The following UQCC1 variants were observed in gnomAD, a reference collection of about 807,000 sequenced individuals.
UQCC1 encodes the protein ubiquinol-cytochrome c reductase complex assembly factor 1.
In UQCC1, 38 loss-of-function variants were observed where a neutral mutation model predicts 48.0. The observed-to-expected ratio is 0.79, with a 90% CI of 0.61 to 1.04. UQCC1 has a LOEUF of 1.04. Among genes scored for constraint, UQCC1 ranks in the 50% least tolerant of loss-of-function variants. UQCC1 has a pLI of 0.00. For missense variants in UQCC1, 368 were observed against 381.8 expected (o/e 0.96, Z 0.30); for synonymous variants, 111 against 129.2 (o/e 0.86, Z 0.95).
intron 7 of UQCC1, among the ~76,000 whole-genome samples, chr20:35,323,868 C>A (rs2061160311): frequency 6.6e-6 from 1 of 152,230 alleles, no homozygotes; most frequent in Non-Finnish European, 1.5e-5. Context: ...ATGCTGTCCT[C>A]TCATCACAGA....
intron 7 of UQCC1, 197 bp downstream of exon 7, chr20:35,346,967 T>C (rs896551476): frequency 6.6e-7 from 1 of 1,514,054 alleles, no homozygotes; most frequent in Non-Finnish European, 8.8e-7. Flanking sequence ...CACTATAATG[T>C]GTACAAACAC....
intron 7 of UQCC1, among the ~76,000 whole-genome samples, chr20:35,326,463 T>C (rs1318053320): frequency 6.6e-6 from 1 of 152,236 alleles, no homozygotes; most frequent in Non-Finnish European, 1.5e-5. Flanking sequence ...TGGAAAATCT[T>C]ACTTGGATAA....
chr20:35,373,088 T>G (rs985038107), intron 5 of UQCC1, among the ~76,000 whole-genome samples: 1 of 152,196 alleles, frequency 6.6e-6, no homozygotes, highest in African/African-American at 2.4e-5. Flanking sequence ...CTGGAAATGA[T>G]TTAATCTCTC....
chr20:35,318,079 C>T (rs1350026545), intron 7 of UQCC1, among the ~76,000 whole-genome samples: 3 of 152,188 alleles, frequency 2.0e-5, no homozygotes, highest in South Asian at 2.1e-4. Flanking sequence ...TAGGAATAAT[C>T]ACAGCCACAA....
intron 7 of UQCC1, among the ~76,000 whole-genome samples, chr20:35,339,544 GAGA>G (rs1353139839): frequency 1.3e-5 from 2 of 152,214 alleles, no homozygotes; most frequent in African/African-American, 4.8e-5. Flanking sequence ...AGTCTGGCAT[GAGA>G]AGAATATGTA....
chr20:35,338,914 G>GT (rs2061348233), intron 7 of UQCC1, among the ~76,000 whole-genome samples: 1 of 34,178 alleles, frequency 2.9e-5, no homozygotes, highest in African/African-American at 3.4e-4. Flanking sequence ...TATATGGAGA[G>GT]ATTTTTCAAA....
At chr20:35,318,101 C>G (rs1406949) in intron 7 of UQCC1, among the ~76,000 whole-genome samples, 4 of 151,954 alleles carry the variant, frequency 2.6e-5, no homozygotes, top group African/African-American at 9.7e-5. Flanking sequence ...CGGATGATAT[C>G]AGAGGTGTCA....
intron 7 of UQCC1, among the ~76,000 whole-genome samples, chr20:35,332,159 G>C (rs564343158): frequency 3.3e-5 from 5 of 152,210 alleles, no homozygotes; most frequent in African/African-American, 9.7e-5. Context: ...CTTTAGAGGC[G>C]AACAGCAGAA....
At chr20:35,334,457 C>T (rs1386404197) in intron 7 of UQCC1, among the ~76,000 whole-genome samples, 3 of 152,170 alleles carry the variant, frequency 2.0e-5, no homozygotes, top group Admixed American at 6.6e-5. Context: ...GTGCCTTTAT[C>T]CACACTGTTC....
rs2060896429 is a variant in UQCC1, at chr20:35,303,809, G to C, written c.*126C>G. The C allele has an allele frequency of 3.0e-6, 4 of 1,311,952 alleles. No individual in the cohort carries two copies. Among genetic ancestry groups the C allele is most frequent in the Admixed American group, 1.9e-5 (1 of 53,574 alleles). The allele number at this position is 1,311,952 out of a possible 1,614,324, so 81.3% of individuals were successfully genotyped here. On this transcript the variant is annotated 3_prime_UTR_variant, in exon 10 of 10. Coordinates refer to ENST00000374385, the MANE Select transcript of UQCC1 (RefSeq NM_018244.5). ...AGGAAACTCAACACAAATGGGGCCA[G>C]GTATTTGACAGATGCTGTTCAGAGG...
chr20:35,403,047 A>C (rs971198399), intron 1 of UQCC1, among the ~76,000 whole-genome samples: 4 of 149,664 alleles, frequency 2.7e-5, no homozygotes, highest in Non-Finnish European at 5.9e-5. Flanking sequence ...AGCCTAGGGG[A>C]CAAGAGCGAG....
intron 7 of UQCC1, among the ~76,000 whole-genome samples, chr20:35,338,981 G>A (rs1166471687): frequency 1.4e-5 from 2 of 141,172 alleles, no homozygotes; most frequent in African/African-American, 2.8e-5. Flanking sequence ...GAACCTCTGA[G>A]GTACCCAGTC....
chr20:35,364,681 T>C (rs2061645779), intron 6 of UQCC1, among the ~76,000 whole-genome samples: 1 of 152,202 alleles, frequency 6.6e-6, no homozygotes, highest in Non-Finnish European at 1.5e-5. Context: ...TGGTACACCC[T>C]ACTCCTCAGA....
intron 7 of UQCC1, chr20:35,346,644 C>T (rs990894196): frequency 1.7e-5 from 3 of 179,750 alleles, no homozygotes; most frequent in East Asian, 1.4e-4. Flanking sequence ...TAATATATTC[C>T]CCTTTCTCAG....
intron 4 of UQCC1, among the ~76,000 whole-genome samples, 199 bp from the exon 5 acceptor site, chr20:35,374,455 A>G (rs1364896407): frequency 3.3e-5 from 5 of 152,202 alleles, no homozygotes; most frequent in Admixed American, 2.6e-4. Flanking sequence ...CAATTTTCAT[A>G]TTTTAGGACT....
chr20:35,381,940 C>T lies in UQCC1; in HGVS notation c.311G>A (p.Gly104Glu). The T allele has an allele frequency of 6.2e-7, 1 of 1,608,218 alleles. No individual in the cohort carries two copies. ...TKIIEAMGFTGPLKYSKWKIK... is the reference protein window; with the variant it reads ...TKIIEAMGFTEPLKYSKWKIK... ...TACCCATTTACTGTATTTCAAAGGTCCCGTGAATCCCATGGCTTCTATTAT... is the reference window on the plus strand; with the variant it reads ...TACCCATTTACTGTATTTCAAAGGTTCCGTGAATCCCATGGCTTCTATTAT... The change falls in exon 4 of 10, where the codon GGA (glycine) becomes GAA (glutamate). Residue 104 changes from glycine (G) to glutamate (E), a missense_variant. Coordinates refer to ENST00000374385, the MANE Select transcript of UQCC1 (RefSeq NM_018244.5).
intron 8 of UQCC1, among the ~76,000 whole-genome samples, chr20:35,308,690 G>T (rs1391607426): frequency 6.6e-6 from 1 of 152,202 alleles, no homozygotes; most frequent in South Asian, 2.1e-4. Context: ...AAGTAGAATA[G>T]ATATTATATT....
Position 35,371,343 on chromosome 20 carries a change from T to TG in UQCC1, c.406+2840dup, listed in dbSNP as rs200859186. Reference sequence around the variant, plus strand: ...GACATCTGAGGATGAGGGTTTTTTTTGTTTTTTTTTTTGAGATGGAGTCTT... The same window carrying TG: ...GACATCTGAGGATGAGGGTTTTTTTTGGTTTTTTTTTTTGAGATGGAGTCTT... On this transcript the variant is annotated intron_variant, in intron 5 of 9. Transcript: ENST00000374385. Among the ~76,000 whole-genome samples, 463 of 101,622 alleles carry TG rather than the reference T, an allele frequency of 4.6e-3. 21 individuals carry two copies. The East Asian group carries it at 0.14, about 32-fold the overall frequency. 66.7% of individuals were successfully genotyped at this position (101,622 alleles called of 152,430 possible). A position where few individuals can be genotyped will look rare whatever the true frequency, so the allele number is the denominator to read the frequency against.
intron 4 of UQCC1, among the ~76,000 whole-genome samples, chr20:35,380,320 T>C (rs1045070689): frequency 4.6e-5 from 7 of 152,198 alleles, no homozygotes; most frequent in Non-Finnish European, 8.8e-5. Flanking sequence ...TAATATTTCA[T>C]TGGCAATTAA....
Sources: gnomAD v4.1 joint callset for allele counts (sites outside exome capture counted in the v4.1 genomes callset) on GRCh38, gnomAD v4.1.1 for gene constraint, MANE v1.5 for transcripts, NCBI Gene and HGNC (gene_info 2026-07-23, HGNC 2026-07-21) for gene names.